The following CHIC2 variants were observed in gnomAD, a reference collection of about 807,000 sequenced individuals.
CHIC2 encodes the protein cysteine-rich hydrophobic domain-containing protein 2.
A neutral mutation model predicts 25.9 loss-of-function variants in CHIC2; 14 were observed. The observed-to-expected ratio is 0.54, with a 90% CI of 0.36 to 0.85. The LOEUF is 0.85. Ranked by LOEUF, CHIC2 falls within the 40% of genes least tolerant of loss-of-function variation. CHIC2 has a pLI of 0.01. For missense variants in CHIC2, 146 were observed against 202.0 expected, an observed-to-expected ratio of 0.72 and a Z score of 1.68; for synonymous variants, 70 against 72.0, an observed-to-expected ratio of 0.97 and a Z score of 0.14.
At chr4:54,080,950 A>G in the CHIC2 span, among the ~76,000 whole-genome samples, 125 of 44,222 alleles carry the variant, frequency 2.8e-3, no homozygotes, top group Middle Eastern at 0.012. Context: ...GTGTATATAT[A>G]TATATATATA....
upstream of CHIC2, among the ~76,000 whole-genome samples, chr4:54,067,239 C>T (rs570253556): frequency 2.0e-5 from 3 of 152,050 alleles, no homozygotes; most frequent in African/African-American, 7.2e-5. Flanking sequence ...CCTGGGTATA[C>T]GGTAGAGGCA....
chr4:54,090,665 C>T, the CHIC2 span, among the ~76,000 whole-genome samples: 1 of 152,134 alleles, frequency 6.6e-6, no homozygotes, highest in African/African-American at 2.4e-5. Flanking sequence ...TCAGGCTTAA[C>T]TCACTTAATG....
chr4:54,055,964 C>T (rs930867700), intron 1 of CHIC2, among the ~76,000 whole-genome samples: 6 of 152,070 alleles, frequency 3.9e-5, no homozygotes, highest in African/African-American at 1.2e-4. Flanking sequence ...AACTCTGTAA[C>T]CACATTCTGA....
At chr4:54,030,176 A>T (rs1003684518) in intron 3 of CHIC2, among the ~76,000 whole-genome samples, 11 of 152,078 alleles carry the variant, frequency 7.2e-5, no homozygotes, top group Non-Finnish European at 1.2e-4. Flanking sequence ...AATTATCTTT[A>T]AAAAAATTCA....
Position 54,064,060 on chromosome 4 carries a change from G to A in CHIC2, c.119+122C>T, listed in dbSNP as rs1717421036. ...AAAATAAGCCAAGTTCTCACTTCCTGGTTGCCTACTCTTTCGGAAGGCCCC... is the reference window on the plus strand; with the variant it reads ...AAAATAAGCCAAGTTCTCACTTCCTAGTTGCCTACTCTTTCGGAAGGCCCC... On this transcript the variant is annotated intron_variant, in intron 1 of 5. Transcript: ENST00000263921. The surrounding 1 kb of genome is among the most constrained non-coding windows in gnomAD (Gnocchi z 4.2). The A allele has an allele frequency of 1.3e-6, 1 of 764,018 alleles. No individual in the cohort carries two copies. The highest frequency in any genetic ancestry group is 2.7e-5 in the East Asian group (1 of 37,022). 47.3% of individuals were successfully genotyped at this position (764,018 alleles called of 1,614,324 possible). A position where few individuals can be genotyped will look rare whatever the true frequency, so the allele number is the denominator to read the frequency against.
chr4:54,015,109 A>G (rs1391427169), intron 3 of CHIC2, among the ~76,000 whole-genome samples: 1 of 152,194 alleles, frequency 6.6e-6, no homozygotes, highest in Non-Finnish European at 1.5e-5. Context: ...ATATGTATTT[A>G]AAGTATCTAC....
chr4:54,054,933 AG>A (rs1717127445), intron 1 of CHIC2, among the ~76,000 whole-genome samples: 1 of 152,182 alleles, frequency 6.6e-6, no homozygotes, highest in African/African-American at 2.4e-5. Flanking sequence ...TCACCAGACA[AG>A]TAATGATGGG....
upstream of CHIC2, among the ~76,000 whole-genome samples, chr4:54,068,686 G>C (rs149492982): frequency 2.9e-3 from 446 of 152,298 alleles, no homozygotes; most frequent in African/African-American, 0.01. Flanking sequence ...AGATGTGTTG[G>C]GGGGTTTTCT....
chr4:54,045,227 G>A (rs570253489), intron 3 of CHIC2, among the ~76,000 whole-genome samples: 9 of 152,268 alleles, frequency 5.9e-5, no homozygotes, highest in African/African-American at 2.2e-4. Context: ...GGTACAAGGA[G>A]GAACTGGTAC....
chr4:54,068,645 C>T (rs1420689842), upstream of CHIC2, among the ~76,000 whole-genome samples: 2 of 152,202 alleles, frequency 1.3e-5, no homozygotes, highest in East Asian at 3.8e-4. Context: ...TGCTTAACAA[C>T]AACAACCAAC....
At chr4:54,084,616 A>G in the CHIC2 span, among the ~76,000 whole-genome samples, 20 of 152,258 alleles carry the variant, frequency 1.3e-4, no homozygotes, top group African/African-American at 4.8e-4. Context: ...AGCACCCAGA[A>G]TAGTGAAATA....
At chr4:54,081,781 C>T in the CHIC2 span, among the ~76,000 whole-genome samples, 21 of 152,134 alleles carry the variant, frequency 1.4e-4, no homozygotes, top group Non-Finnish European at 2.5e-4. Context: ...AAGATGGTCT[C>T]GAACTCCTGG....
At chr4:54,086,825 TC>T in the CHIC2 span, 1 of 425,060 alleles carries the variant, frequency 2.4e-6, no homozygotes, top group Non-Finnish European at 4.3e-6. Context: ...TCCCACTGTA[TC>T]CTCCTAGACC....
intron 3 of CHIC2, among the ~76,000 whole-genome samples, chr4:54,015,593 C>G (rs1016978349): frequency 6.6e-6 from 1 of 152,136 alleles, no homozygotes; most frequent in African/African-American, 2.4e-5. Context: ...AAATTGCCAT[C>G]TGAATGCTGA....
chr4:54,079,227 A>AAAC, the CHIC2 span, among the ~76,000 whole-genome samples: 5 of 151,986 alleles, frequency 3.3e-5, no homozygotes, highest in South Asian at 2.1e-4. Context: ...GCAAACAAAG[A>AAAC]AACAACAACA....
intron 3 of CHIC2, among the ~76,000 whole-genome samples, chr4:54,046,240 G>A (rs1485617575): frequency 6.6e-6 from 1 of 152,198 alleles, no homozygotes; most frequent in South Asian, 2.1e-4. Flanking sequence ...GTAATTTATA[G>A]ATTCAATGCC....
chr4:54,074,329 A>T, the CHIC2 span, among the ~76,000 whole-genome samples: 1 of 152,190 alleles, frequency 6.6e-6, no homozygotes, highest in African/African-American at 2.4e-5. Context: ...AGGCACAAGC[A>T]CTTTCTTTTG....
the CHIC2 span, among the ~76,000 whole-genome samples, chr4:54,084,959 CAA>C: frequency 2.2e-4 from 13 of 58,918 alleles, no homozygotes; most frequent in Admixed American, 3.6e-4. Context: ...TGCTCTGTCT[CAA>C]AAAAAAAAAA....
intron 1 of CHIC2, chr4:54,059,718 G>C (rs1168983038): frequency 1.3e-5 from 2 of 152,058 alleles, no homozygotes; most frequent in Non-Finnish European, 2.9e-5. Flanking sequence ...TTGTTCGGAG[G>C]TGCAGAGAAG....
Sources: allele counts gnomAD v4.1 joint callset (sites outside exome capture counted in the v4.1 genomes callset), GRCh38; gene constraint gnomAD v4.1.1; non-coding constraint Gnocchi (gnomAD v3.1); transcripts MANE v1.5; gene names NCBI Gene and HGNC (gene_info 2026-07-23, HGNC 2026-07-21).